The following STRIP1 variants were observed in gnomAD, a reference collection of about 807,000 sequenced individuals.
STRIP1 encodes the protein striatin interacting protein 1, also known as striatin-interacting protein 1.
STRIP1 carries 63 observed loss-of-function variants against 106.2 expected under a neutral mutation model. The observed-to-expected ratio is 0.59, with a 90% CI of 0.48 to 0.73. The LOEUF is 0.73. STRIP1 is among the 30% of genes least tolerant of loss of function. The probability of loss-of-function intolerance (pLI) is 0.00; values close to 1 mark genes in which losing one functional copy is unlikely to be tolerated. For synonymous variants in STRIP1, 390 were observed against 413.0 expected, an observed-to-expected ratio of 0.94 and a Z score of 0.67; for missense variants, 857 against 1,074.8, an observed-to-expected ratio of 0.80 and a Z score of 2.83.
At chr1:110,048,982 G>C (rs1653160862) in intron 15 of STRIP1, 130 bp from the exon 16 acceptor site, 2 of 1,063,418 alleles carry the variant, frequency 1.9e-6, no homozygotes, top group Non-Finnish European at 1.4e-6. Flanking sequence ...TGACTTCTGA[G>C]ATGTCCTTGG....
chr1:110,035,249 G>A (rs1371560374), intron 1 of STRIP1, among the ~76,000 whole-genome samples: 1 of 152,218 alleles, frequency 6.6e-6, no homozygotes, highest in African/African-American at 2.4e-5. Flanking sequence ...GGGTCCTGCC[G>A]CTCGCAGAGG....
chr1:110,049,605 G>T (rs1418637186), intron 17 of STRIP1, 45 bp downstream of exon 17: 1 of 1,375,912 alleles, frequency 7.3e-7, no homozygotes, highest in Non-Finnish European at 1.0e-6. Flanking sequence ...TGGTCAGACG[G>T]CAGAGTTCCC....
At chr1:110,040,846 A>G (rs1652726053) in intron 6 of STRIP1, 143 bp downstream of exon 6, 3 of 697,092 alleles carry the variant, frequency 4.3e-6, no homozygotes, top group Non-Finnish European at 6.9e-6. Flanking sequence ...AGTGTGAATG[A>G]TTAGTAGGAA....
At chr1:110,031,898 GA>G (rs1326202957), upstream of STRIP1, among the ~76,000 whole-genome samples, 6 of 146,470 alleles carry the variant, frequency 4.1e-5, no homozygotes, top group Non-Finnish European at 7.5e-5. Flanking sequence ...TTTTTAATTT[GA>G]TTTTTTTTTT....
Position 110,050,380 on chromosome 1 carries a change from G to A in STRIP1, c.1927G>A (p.Glu643Lys). ...VLDYPHCVVHELPELTAESLE... is the reference protein window; with the variant it reads ...VLDYPHCVVHKLPELTAESLE... The stretch of plus-strand genomic sequence containing the variant: ...GGATTACCCTCACTGCGTGGTGCAT[G>A]AGCTGCCAGAGCTGACGGCGGAGAG... Residue 643 changes from glutamate to lysine, a missense_variant, in exon 18 of 21, where the codon GAG becomes AAG. By Grantham distance (56) the Glu-to-Lys change is moderately conservative. Transcript: ENST00000369795. 6.2e-7 allele frequency: 1 copy of A among 1,614,206 alleles called. No homozygotes were observed. Among genetic ancestry groups the A allele is most frequent in the East Asian group, 2.2e-5 (1 of 44,874 alleles).
chr1:110,042,514 A>C (rs1652811364), intron 8 of STRIP1, among the ~76,000 whole-genome samples: 1 of 152,222 alleles, frequency 6.6e-6, no homozygotes, highest in African/African-American at 2.4e-5. Flanking sequence ...GGATTTCTTA[A>C]AAGTCATTGA....
rs978660875 is a variant in STRIP1, at chr1:110,053,746, A to G, written c.2348A>G (p.Tyr783Cys). ...ATTGAACGCTTCAACGCCCGGCGCT[A>G]TGACCGGGCCCACAGCAACCCTGAC... ...ANIERFNARR[Y>C]DRAHSNPDFL... The change falls in exon 21 of 21, where the codon TAT becomes TGT. Residue 783 changes from tyrosine (Y) to cysteine (C), a missense_variant. Transcript: ENST00000369795. The G allele has an allele frequency of 5.0e-6, 8 of 1,613,954 alleles. No individual in the cohort carries two copies. Among genetic ancestry groups the G allele is most frequent in the Admixed American group, 3.3e-5 (2 of 59,990 alleles).
intron 1 of STRIP1, 49 bp downstream of exon 1, chr1:110,034,866 G>C (rs913600797): frequency 7.3e-7 from 1 of 1,375,858 alleles, no homozygotes; most frequent in Non-Finnish European, 9.4e-7. Flanking sequence ...GCGGCGCCGG[G>C]GGTCCCGGGC....
intron 6 of STRIP1, 109 bp downstream of exon 6, chr1:110,040,812 A>G: frequency 1.2e-6 from 1 of 863,282 alleles, no homozygotes; most frequent in Non-Finnish European, 1.8e-6. Flanking sequence ...TTCTGTACAC[A>G]TCATCTGCAT....
chr1:110,049,164 G>GAGGT lies in STRIP1; in HGVS notation c.1715_1718dup (p.Ile574GlyfsTer4), dbSNP rs1435489593. 1 of 1,614,240 alleles carries GAGGT rather than the reference G, an allele frequency of 6.2e-7. No homozygotes were observed. Among genetic ancestry groups the GAGGT allele is most frequent in the Admixed American group, 1.7e-5 (1 of 60,032 alleles). On this transcript the variant is annotated frameshift_variant, in exon 16 of 21. Coordinates refer to ENST00000369795, the MANE Select transcript of STRIP1 (RefSeq NM_033088.4). LOFTEE classifies it high-confidence loss of function. ...GGGGGTGGATGTAAACCGCCACAAA[G>GAGGT]AGGTCATTGTTAAGGCCATTTCTGC...
rs141770005 is a variant in STRIP1, at chr1:110,041,620, G to A, written c.735G>A (p.Arg245=). The A allele has an allele frequency of 4.8e-5, 78 of 1,614,126 alleles. No homozygotes were observed. The African/African-American group carries it at 9.1e-4, about 19-fold the overall frequency. ...EGDKAEWRTM[R]QTFRAELGSP... ...ACAAGGCTGAGTGGAGGACCATGCG[G>A]CAGACCTTCAGAGCCGAGCTGGGTA... The change falls in exon 7 of 21, where the codon CGG becomes CGA. Residue 245 remains arginine, a synonymous_variant. Transcript: ENST00000369795.
chr1:110,038,760 G>A lies in STRIP1; in HGVS notation c.325+3G>A, dbSNP rs1288235875. On this transcript the variant is annotated splice_donor_region_variant and intron_variant, in intron 3 of 20. Coordinates refer to ENST00000369795, the MANE Select transcript of STRIP1 (RefSeq NM_033088.4). ...TGAGGAGGACTTCCGGATCCATGGT[G>A]AGATGATTTCCCACACTTCTTGCTT... 4.3e-6 allele frequency: 7 copies of A among 1,613,676 alleles called. No homozygotes were observed. The highest frequency in any genetic ancestry group is 1.7e-5 in the Admixed American group (1 of 60,016).
chr1:110,040,614 G>T lies in STRIP1; in HGVS notation c.582-21G>T. The T allele has an allele frequency of 2.5e-6, 4 of 1,604,422 alleles. No individual in the cohort carries two copies. In the South Asian group the frequency reaches 4.5e-5, roughly 18 times the overall value. On this transcript the variant is annotated intron_variant, in intron 5 of 20. Coordinates refer to ENST00000369795, the MANE Select transcript of STRIP1 (RefSeq NM_033088.4). The stretch of plus-strand genomic sequence containing the variant: ...ATCTTCCTTCTTGGAGGAAGATGCT[G>T]ACTCTCAAAATCTCCTGCAGCAACA...
chr1:110,038,138 A>G lies in STRIP1; in HGVS notation c.250+178A>G, dbSNP rs186964923. ...TGTATAAAACATGTTATTTGATTCAAGCCTTGTGTATCTTATAACTTTGTG... is the reference window on the plus strand; with the variant it reads ...TGTATAAAACATGTTATTTGATTCAGGCCTTGTGTATCTTATAACTTTGTG... On this transcript the variant is annotated intron_variant, in intron 2 of 20. Transcript: ENST00000369795. The G allele has an allele frequency of 4.2e-4, 72 of 170,936 alleles. No individual in the cohort carries two copies. The South Asian group carries it at 4.7e-3, about 11-fold the overall frequency. The allele number at this position is 170,936 out of a possible 1,614,324, so 10.6% of individuals were successfully genotyped here. A position where few individuals can be genotyped will look rare whatever the true frequency, so the allele number is the denominator to read the frequency against.
rs141757350 is a variant in STRIP1, at chr1:110,045,048, A to G, written c.1386A>G (p.Pro462=). 2.5e-5 allele frequency: 40 copies of G among 1,614,024 alleles called. No individual in the cohort carries two copies. Among genetic ancestry groups the G allele is most frequent in the Non-Finnish European group, 3.3e-5 (39 of 1,180,020 alleles). ...ACACAGTGGTGGGGCTGCCCAGGCC[A>G]ATCCACGAAAGCATCAAGACTCTGA... is the stretch of plus-strand genomic sequence containing the variant. ...DTNTVVGLPR[P]IHESIKTLKQ... is the part of the protein sequence containing the mutation. The change falls in exon 12 of 21, where the codon CCA becomes CCG. Residue 462 remains proline (P), a synonymous_variant. Coordinates refer to ENST00000369795, the MANE Select transcript of STRIP1 (RefSeq NM_033088.4).
chr1:110,043,675 G>A lies in STRIP1; in HGVS notation c.1105G>A (p.Glu369Lys). Reference protein sequence around the residue: ...IKQDNLDAFNERDPYKADDSR... With the variant: ...IKQDNLDAFNKRDPYKADDSR... Reference sequence around the variant, plus strand: ...GCAGGACAACCTAGATGCCTTCAACGAGCGGGATCCCTACAAGGCTGATGA... The same window carrying A: ...GCAGGACAACCTAGATGCCTTCAACAAGCGGGATCCCTACAAGGCTGATGA... The change falls in exon 10 of 21, where the codon GAG (glutamate) becomes AAG (lysine). Residue 369 changes from glutamate (E) to lysine (K), a missense_variant. Glu to Lys is a moderately conservative substitution (Grantham distance 56, BLOSUM62 1). This residue lies in a region of STRIP1 where 750 missense variants were observed against 989.8 expected (regional missense o/e 0.76). Transcript: ENST00000369795. 6.2e-7 allele frequency: 1 copy of A among 1,614,066 alleles called. No homozygotes were observed. The highest frequency in any genetic ancestry group is 8.5e-7 in the Non-Finnish European group (1 of 1,179,992).
intron 5 of STRIP1, among the ~76,000 whole-genome samples, chr1:110,040,105 G>A (rs777432898): frequency 6.6e-6 from 1 of 152,218 alleles, no homozygotes; most frequent in African/African-American, 2.4e-5. Flanking sequence ...AAACTAAGGC[G>A]CAGTTAGAGC....
At chr1:110,051,619 G>C (rs1653305598) in intron 19 of STRIP1, 64 bp from the exon 20 acceptor site, 4 of 1,477,894 alleles carry the variant, frequency 2.7e-6, no homozygotes, top group Non-Finnish European at 1.8e-6. Flanking sequence ...GCAGCAGTGT[G>C]ACCTGGGATG....
At chr1:110,034,988 G>T (rs1024789727) in intron 1 of STRIP1, among the ~76,000 whole-genome samples, 171 bp downstream of exon 1, 32 of 152,184 alleles carry the variant, frequency 2.1e-4, no homozygotes, top group African/African-American at 7.5e-4. Flanking sequence ...CAGCTCCTGG[G>T]GTCTGGAGCA....
Sources: allele counts gnomAD v4.1 joint callset (sites outside exome capture counted in the v4.1 genomes callset), GRCh38; gene constraint gnomAD v4.1.1; regional missense constraint gnomAD v4.1.1; transcripts MANE v1.5; gene names NCBI Gene and HGNC (gene_info 2026-07-23, HGNC 2026-07-21).